The following RGS6 variants were observed in gnomAD, a reference collection of about 807,000 sequenced individuals.
RGS6 encodes regulator of G protein signaling 6, also known as regulator of G-protein signaling 6.
In RGS6, 30 loss-of-function variants were observed where a neutral mutation model predicts 78.5. The ratio of observed to expected loss-of-function variants is 0.38; its 90% CI spans 0.29 to 0.52. The LOEUF (loss-of-function observed/expected upper bound fraction) is 0.52. Among genes scored for constraint, RGS6 ranks in the 20% least tolerant of loss-of-function variants. The probability of loss-of-function intolerance (pLI) is 0.85; values close to 1 mark genes in which losing one functional copy is unlikely to be tolerated. For synonymous variants in RGS6, 206 were observed against 206.0 expected (o/e 1.00, Z 0.00); for missense variants, 495 against 609.7 (o/e 0.81, Z 1.98).
chr14:72,549,061 A>G (rs1246737538), intron 17 of RGS6, among the ~76,000 whole-genome samples: 1 of 152,144 alleles, frequency 6.6e-6, no homozygotes, highest in Non-Finnish European at 1.5e-5. Context: ...AAGTCCTGGA[A>G]AAGGAGAATG....
the RGS6 span, among the ~76,000 whole-genome samples, chr14:71,917,261 A>G: frequency 1.3e-5 from 2 of 152,154 alleles, no homozygotes; most frequent in Non-Finnish European, 1.5e-5. Flanking sequence ...GTGACGGTAT[A>G]TGGGTCACCA....
chr14:71,918,805 A>G, the RGS6 span, among the ~76,000 whole-genome samples: 1 of 152,174 alleles, frequency 6.6e-6, no homozygotes, highest in Non-Finnish European at 1.5e-5. Flanking sequence ...TTAGTTTTCA[A>G]TCTTCATTTT....
chr14:72,604,013 A>G, the RGS6 span, among the ~76,000 whole-genome samples: 1 of 152,170 alleles, frequency 6.6e-6, no homozygotes, highest in Non-Finnish European at 1.5e-5. Flanking sequence ...GTTTAACAGG[A>G]TCCAAGAGAG....
intron 2 of RGS6, among the ~76,000 whole-genome samples, chr14:72,310,780 A>G (rs902456680): frequency 2.6e-5 from 4 of 152,148 alleles, no homozygotes; most frequent in African/African-American, 9.7e-5. Context: ...CCTTCATAAG[A>G]CACAGGCTGC....
At position 72,221,625 on chromosome 14, in the gene RGS6, A is replaced by G. The variant is rs115415131; in HGVS notation, c.85-130470A>G. 1.9e-3 allele frequency among the ~76,000 whole-genome samples: 292 copies of G among 152,290 alleles called. 2 individuals are homozygous for G. Among genetic ancestry groups the G allele is most frequent in the African/African-American group, 6.6e-3 (273 of 41,568 alleles). ...CTTTTACTTTTTTTTTCTGTAATTAATGGAAGGGAAACAAACCTAATTGAT... is the reference window on the plus strand; with the variant it reads ...CTTTTACTTTTTTTTTCTGTAATTAGTGGAAGGGAAACAAACCTAATTGAT... On this transcript the variant is annotated intron_variant, in intron 2 of 17. Transcript: ENST00000553525.
At chr14:72,169,052 CA>C (rs1371567427) in intron 2 of RGS6, among the ~76,000 whole-genome samples, 2 of 152,166 alleles carry the variant, frequency 1.3e-5, no homozygotes, top group Non-Finnish European at 2.9e-5. Flanking sequence ...TCAATATAAC[CA>C]GGCACAGAAA....
chr14:71,915,504 A>T, the RGS6 span, among the ~76,000 whole-genome samples: 1 of 152,074 alleles, frequency 6.6e-6, no homozygotes, highest in African/African-American at 2.4e-5. Context: ...CCATTGTTGT[A>T]TGACTACCCA....
intron 2 of RGS6, among the ~76,000 whole-genome samples, chr14:72,286,374 G>T (rs568551723): frequency 6.6e-6 from 1 of 152,114 alleles, no homozygotes; most frequent in Admixed American, 6.6e-5. Context: ...CTATATGTCT[G>T]TCTTTACGCC....
the RGS6 span, among the ~76,000 whole-genome samples, chr14:72,621,552 C>A: frequency 6.6e-6 from 1 of 152,154 alleles, no homozygotes; most frequent in Non-Finnish European, 1.5e-5. Context: ...AGTGGGGCAA[C>A]AGGAAAGCTT....
At chr14:72,502,814 T>C (rs563663178) in intron 13 of RGS6, among the ~76,000 whole-genome samples, 8 of 152,256 alleles carry the variant, frequency 5.3e-5, no homozygotes, top group Non-Finnish European at 7.4e-5. Context: ...CCACTCTTCA[T>C]TGGAGTATTC....
At position 72,383,213 on chromosome 14, in the gene RGS6, T is replaced by TATATATATATACAC. The variant is rs1387301746; in HGVS notation, c.184+31020_184+31021insTATATATATACACA. Among the ~76,000 whole-genome samples, 51 of 118,326 alleles carry TATATATATATACAC rather than the reference T, an allele frequency of 4.3e-4. 4 individuals are homozygous for TATATATATATACAC. The highest frequency in any genetic ancestry group is 1.2e-3 in the African/African-American group (38 of 31,908). The allele number at this position is 118,326 out of a possible 152,430, so 77.6% of individuals were successfully genotyped here. A position where few individuals can be genotyped will look rare whatever the true frequency, so the allele number is the denominator to read the frequency against. On this transcript the variant is annotated intron_variant, in intron 3 of 17. Coordinates refer to ENST00000553525, the MANE Select transcript of RGS6 (RefSeq NM_001204424.2). ...ATATATATATATATATATATATATA[T>TATATATATATACAC]ACACACAAACACACTAGTATGTGTG...
intron 2 of RGS6, among the ~76,000 whole-genome samples, chr14:72,151,645 C>T (rs923555881): frequency 2.6e-5 from 4 of 152,110 alleles, no homozygotes; most frequent in African/African-American, 9.7e-5. Context: ...TCAGGTTTCA[C>T]GTGTAGGGGA....
chr14:72,490,115 A>G (rs2096558258), intron 12 of RGS6, among the ~76,000 whole-genome samples: 1 of 152,142 alleles, frequency 6.6e-6, no homozygotes, highest in African/African-American at 2.4e-5. Flanking sequence ...CTCGTCTTGA[A>G]TTCCCATGTG....
chr14:72,229,595 G>A (rs1159143561), intron 2 of RGS6, among the ~76,000 whole-genome samples: 1 of 152,150 alleles, frequency 6.6e-6, no homozygotes, highest in Non-Finnish European at 1.5e-5. Flanking sequence ...GAGTCATTTA[G>A]GGCCTTTGTC....
chr14:72,340,750 G>A (rs2076840070), intron 2 of RGS6, among the ~76,000 whole-genome samples: 1 of 152,186 alleles, frequency 6.6e-6, no homozygotes, highest in African/African-American at 2.4e-5. Flanking sequence ...GGGAGACTGT[G>A]AAAGGCTCTC....
intron 2 of RGS6, among the ~76,000 whole-genome samples, chr14:71,976,368 G>A (rs1472196426): frequency 2.7e-5 from 4 of 149,470 alleles, no homozygotes; most frequent in East Asian, 2.0e-4. Context: ...CCACTAACTC[G>A]TCATCTAGCA....
At chr14:72,548,342 T>TGTGTGTGTGTGTGTGTGTGTGTGC (rs796698263) in intron 17 of RGS6, among the ~76,000 whole-genome samples, 5 of 134,744 alleles carry the variant, frequency 3.7e-5, no homozygotes, top group African/African-American at 1.6e-4. Flanking sequence ...TGTGTGTGTG[T>TGTGTGTGTGTGTGTGTGTGTGTGC]GCGCGCGTGT....
chr14:72,359,122 C>T (rs2080956125), intron 3 of RGS6, among the ~76,000 whole-genome samples: 1 of 152,198 alleles, frequency 6.6e-6, no homozygotes, highest in Admixed American at 6.5e-5. Flanking sequence ...TGTAAGTTTA[C>T]TGAGGCCTTT....
chr14:72,593,587 A>C, the RGS6 span, among the ~76,000 whole-genome samples: 28 of 152,276 alleles, frequency 1.8e-4, no homozygotes, highest in Non-Finnish European at 3.1e-4. Context: ...GAGTTTCACC[A>C]TATTGGCCAG....
Sources: allele counts gnomAD v4.1 joint callset (sites outside exome capture counted in the v4.1 genomes callset), GRCh38; gene constraint gnomAD v4.1.1; transcripts MANE v1.5; gene names NCBI Gene and HGNC (gene_info 2026-07-23, HGNC 2026-07-21).